DNMBP: variants seen among roughly 807,000 people sequenced by gnomAD.
DNMBP encodes the protein dynamin-binding protein.
DNMBP carries 87 observed loss-of-function variants against 150.0 expected under a neutral mutation model. The observed-to-expected ratio is 0.58, with a 90% CI of 0.49 to 0.69. The LOEUF is 0.69. DNMBP is among the 30% of genes least tolerant of loss of function. DNMBP has a pLI of 0.00. For synonymous variants in DNMBP, 711 were observed against 750.4 expected, an observed-to-expected ratio of 0.95 and a Z score of 0.86; for missense variants, 1,774 against 1,949.0, an observed-to-expected ratio of 0.91 and a Z score of 1.69.
At chr10:99,978,799 TC>T (rs2040754754) in intron 1 of DNMBP, among the ~76,000 whole-genome samples, 2 of 152,194 alleles carry the variant, frequency 1.3e-5, no homozygotes, top group Non-Finnish European at 2.9e-5. Context: ...GGTCTTGAAC[TC>T]CTCAACTCAG....
chr10:99,943,318 T>A (rs934382067), intron 4 of DNMBP, among the ~76,000 whole-genome samples: 1 of 151,780 alleles, frequency 6.6e-6, no homozygotes, highest in Non-Finnish European at 1.5e-5. Flanking sequence ...AAACACAGAA[T>A]GATTTGGCTA....
intron 15 of DNMBP, among the ~76,000 whole-genome samples, chr10:99,883,783 CATG>C (rs1231781249): frequency 6.6e-6 from 1 of 151,952 alleles, no homozygotes; most frequent in Non-Finnish European, 1.5e-5. Context: ...CAAGAGCTTG[CATG>C]ATAAGCAACG....
intron 10 of DNMBP, 85 bp downstream of exon 10, chr10:99,896,182 C>G (rs1393884802): frequency 6.7e-7 from 1 of 1,490,452 alleles, no homozygotes. Flanking sequence ...AAGGGAACCA[C>G]GCCAATTGAC....
chr10:99,993,891 T>C (rs2040924570), intron 1 of DNMBP, among the ~76,000 whole-genome samples: 1 of 152,164 alleles, frequency 6.6e-6, no homozygotes, highest in Non-Finnish European at 1.5e-5. Flanking sequence ...ATAGCTTCCC[T>C]ATTCTGCCAC....
chr10:99,974,689 T>TA (rs2040710109), intron 1 of DNMBP, among the ~76,000 whole-genome samples: 1 of 152,176 alleles, frequency 6.6e-6, no homozygotes, highest in African/African-American at 2.4e-5. Flanking sequence ...ATGAGGACTC[T>TA]ACCTTCCATC....
At chr10:99,990,216 C>T (rs963932739) in intron 1 of DNMBP, among the ~76,000 whole-genome samples, 2 of 151,994 alleles carry the variant, frequency 1.3e-5, no homozygotes, top group Non-Finnish European at 2.9e-5. Context: ...GGGCAATTAG[C>T]GGCACCTGAA....
At chr10:99,904,489 T>C (rs759239546) in intron 6 of DNMBP, among the ~76,000 whole-genome samples, 10 of 152,140 alleles carry the variant, frequency 6.6e-5, no homozygotes, top group African/African-American at 1.7e-4. Context: ...TTGCCCTTCA[T>C]GGTCTTCTCG....
At chr10:99,909,768 G>A (rs2039877917) in intron 4 of DNMBP, among the ~76,000 whole-genome samples, 1 of 152,170 alleles carries the variant, frequency 6.6e-6, no homozygotes, top group Non-Finnish European at 1.5e-5. Context: ...AGCAGGTTTT[G>A]TTACTCAAAT....
intron 4 of DNMBP, among the ~76,000 whole-genome samples, chr10:99,918,225 T>C (rs1040648276): frequency 3.9e-5 from 6 of 151,970 alleles, no homozygotes; most frequent in Non-Finnish European, 8.8e-5. Context: ...GCTTTTCCTC[T>C]AGCACCTACT....
chr10:99,913,857 T>G, intron 4 of DNMBP: 25 of 1,230,562 alleles, frequency 2.0e-5, no homozygotes, highest in South Asian at 3.7e-5. Context: ...GGGAAAATTT[T>G]GAGCTCCCGG....
chr10:99,988,980 A>G (rs12770366), intron 1 of DNMBP, among the ~76,000 whole-genome samples: 47,875 of 152,002 alleles, frequency 0.31, 7,600 homozygotes, highest in Non-Finnish European at 0.33. Context: ...AGCCCTTTCT[A>G]TACCCATGTC....
At chr10:99,971,327 C>CT (rs1342872079) in intron 2 of DNMBP, among the ~76,000 whole-genome samples, 2 of 151,614 alleles carry the variant, frequency 1.3e-5, no homozygotes, top group African/African-American at 4.9e-5. Flanking sequence ...TCCTTCCTTC[C>CT]TTTCTTTCTT....
Position 99,957,141 on chromosome 10 carries a change from G to T in DNMBP, c.333C>A (p.Gly111=). 2 of 1,612,002 alleles carry T rather than the reference G, an allele frequency of 1.2e-6. No individual in the cohort carries two copies. ...ATGAAGATGGGAAGAAGCCCCGTGC[G>T]CCCCAGCAGCTTCGGCCCTGCAGCC... ...AGWLQGRSCW[G]ARGFFPSSCV... The change falls in exon 4 of 17, where the codon GGC becomes GGA. Residue 111 remains glycine, a synonymous_variant. Coordinates refer to ENST00000324109, the MANE Select transcript of DNMBP (RefSeq NM_015221.4).
intron 16 of DNMBP, among the ~76,000 whole-genome samples, chr10:99,878,224 GAA>G (rs547077233): frequency 4.6e-4 from 70 of 152,326 alleles, no homozygotes; most frequent in African/African-American, 1.6e-3. Flanking sequence ...CAACTTCAAA[GAA>G]AAGTTGATCT....
intron 1 of DNMBP, among the ~76,000 whole-genome samples, chr10:99,976,404 T>G (rs1439975302): frequency 2.0e-5 from 3 of 152,226 alleles, no homozygotes; most frequent in African/African-American, 7.2e-5. Flanking sequence ...TACACATTAC[T>G]GTATTAAGCT....
intron 3 of DNMBP, among the ~76,000 whole-genome samples, chr10:99,967,828 G>C (rs2040635818): frequency 2.6e-5 from 4 of 152,028 alleles, no homozygotes; most frequent in Middle Eastern, 6.8e-3. Flanking sequence ...TCACAAAATT[G>C]GATTGATCAG....
chr10:99,886,435 A>T lies in DNMBP; in HGVS notation c.3483T>A (p.Asn1161Lys). 6.2e-7 allele frequency: 1 copy of T among 1,614,172 alleles called. No individual in the cohort carries two copies. The highest frequency in any genetic ancestry group is 2.2e-5 in the East Asian group (1 of 44,872). Reference protein sequence around the residue: ...QSARNNYEALNAQLLDELPKF... With the variant: ...QSARNNYEALKAQLLDELPKF... Reference sequence around the variant, plus strand: ...TGGGCAGCTCATCCAGCAGCTGTGCATTCAGGGCCTCATAGTTGTTCCGGG... The same window carrying T: ...TGGGCAGCTCATCCAGCAGCTGTGCTTTCAGGGCCTCATAGTTGTTCCGGG... Residue 1161 changes from asparagine (N) to lysine (K), a missense_variant, in exon 13 of 17, where the codon AAT becomes AAA. By Grantham distance (94) the Asn-to-Lys change is moderately conservative (BLOSUM62 0). Coordinates refer to ENST00000324109, the MANE Select transcript of DNMBP (RefSeq NM_015221.4).
chr10:99,978,609 G>T (rs2040752285), intron 1 of DNMBP, among the ~76,000 whole-genome samples: 1 of 151,992 alleles, frequency 6.6e-6, no homozygotes, highest in Non-Finnish European at 1.5e-5. Flanking sequence ...TTGAGACAGG[G>T]TCTCTGTCAC....
intron 12 of DNMBP, among the ~76,000 whole-genome samples, chr10:99,888,511 C>T (rs1227317772): frequency 6.6e-6 from 1 of 152,076 alleles, no homozygotes; most frequent in Non-Finnish European, 1.5e-5. Context: ...GTGCCTGGAC[C>T]CTCTTCAAGT....
Sources: gnomAD v4.1 joint callset for allele counts (sites outside exome capture counted in the v4.1 genomes callset) on GRCh38, gnomAD v4.1.1 for gene constraint, MANE v1.5 for transcripts, NCBI Gene and HGNC (gene_info 2026-07-23, HGNC 2026-07-21) for gene names.